Variants in SLC16A2 observed in about 807,000 individuals in gnomAD.
SLC16A2 encodes the protein monocarboxylate transporter 8.
Under a neutral mutation model 27.2 loss-of-function variants are expected in SLC16A2, and 3 were observed. The ratio of observed to expected loss-of-function variants is 0.11; its 90% confidence interval spans 0.05 to 0.28. The LOEUF (loss-of-function observed/expected upper bound fraction) is 0.28, where lower values mean the gene tolerates loss of function less well. SLC16A2 is among the 10% of genes least tolerant of loss of function. The pLI is 1.00. For missense variants in SLC16A2, 295 were observed against 458.5 expected (o/e 0.64, Z 3.26); for synonymous variants, 202 against 187.8 (o/e 1.08, Z -0.62).
chrX:74,462,462 G>A (rs1176508828), intron 1 of SLC16A2, among the ~76,000 whole-genome samples: 1 of 111,730 alleles, frequency 9.0e-6, no homozygotes, highest in Non-Finnish European at 1.9e-5. Context: ...TGGGATTACA[G>A]GCACCTGCCA....
intron 1 of SLC16A2, among the ~76,000 whole-genome samples, chrX:74,519,280 C>T (rs911247568): frequency 4.6e-5 from 5 of 108,187 alleles, no homozygotes; most frequent in Non-Finnish European, 9.6e-5. Flanking sequence ...TGGGTTCAAG[C>T]GATTCTCCTG....
At chrX:74,472,739 G>T (rs1929381036) in intron 1 of SLC16A2, among the ~76,000 whole-genome samples, 2 of 64,301 alleles carry the variant, frequency 3.1e-5, no homozygotes, top group Admixed American at 1.6e-4. Flanking sequence ...AACAGCATGG[G>T]TGCAAAAAAA....
chrX:74,494,490 T>C (rs1199342227), intron 1 of SLC16A2, among the ~76,000 whole-genome samples: 1 of 111,816 alleles, frequency 8.9e-6, no homozygotes, highest in Non-Finnish European at 1.9e-5. Context: ...TTCCATAATA[T>C]CGTCAAATAC....
intron 1 of SLC16A2, among the ~76,000 whole-genome samples, chrX:74,486,116 T>C (rs186670308): frequency 8.9e-6 from 1 of 111,751 alleles, no homozygotes; most frequent in Admixed American, 9.5e-5. Context: ...ACTATTTCTT[T>C]ACCTCCTGCT....
chrX:74,505,158 AAAG>A (rs1198720306), intron 1 of SLC16A2, among the ~76,000 whole-genome samples: 2 of 111,847 alleles, frequency 1.8e-5, no homozygotes, highest in East Asian at 5.6e-4. Context: ...AAAAAATTCT[AAAG>A]GAGGAAAATT....
intron 1 of SLC16A2, among the ~76,000 whole-genome samples, chrX:74,514,368 C>T (rs1056304976): frequency 9.0e-6 from 1 of 110,804 alleles, no homozygotes; most frequent in African/African-American, 3.3e-5. Flanking sequence ...AGCCTAACAC[C>T]ATGGGAAAAA....
At chrX:74,498,521 T>TG (rs759434677) in intron 1 of SLC16A2, among the ~76,000 whole-genome samples, 80 of 111,176 alleles carry the variant, frequency 7.2e-4, no homozygotes, top group Non-Finnish European at 3.4e-4. Context: ...AAACTATCCT[T>TG]GAAAAACTCT....
intron 1 of SLC16A2, among the ~76,000 whole-genome samples, chrX:74,500,318 G>A (rs1930009475): frequency 9.0e-6 from 1 of 111,524 alleles, no homozygotes; most frequent in Non-Finnish European, 1.9e-5. Context: ...CCAGGAACCA[G>A]AAAGCTGGAA....
intron 1 of SLC16A2, among the ~76,000 whole-genome samples, chrX:74,493,822 G>A (rs1929883022): frequency 9.0e-6 from 1 of 111,488 alleles, no homozygotes; most frequent in Admixed American, 9.5e-5. Context: ...AGCTCTGAAA[G>A]TAGGGCTGTC....
chrX:74,430,754 G>T (rs1469394775), intron 1 of SLC16A2, among the ~76,000 whole-genome samples: 1 of 112,256 alleles, frequency 8.9e-6, no homozygotes, highest in Admixed American at 9.4e-5. Context: ...TGTTGTTGTT[G>T]TTGTTTTGAG....
chrX:74,474,489 T>A (rs987522061), intron 1 of SLC16A2, among the ~76,000 whole-genome samples: 12 of 110,119 alleles, frequency 1.1e-4, no homozygotes, highest in African/African-American at 3.6e-4. Context: ...TTTTTTTTTT[T>A]TTATTATACT....
intron 1 of SLC16A2, among the ~76,000 whole-genome samples, chrX:74,434,893 G>A (rs1367882221): frequency 9.7e-6 from 1 of 102,933 alleles, no homozygotes; most frequent in Non-Finnish European, 2.0e-5. Context: ...TCGGCTTCTC[G>A]GCTCACTGCA....
chrX:74,514,475 C>G (rs995236842), intron 1 of SLC16A2, among the ~76,000 whole-genome samples: 2 of 111,436 alleles, frequency 1.8e-5, no homozygotes, highest in Non-Finnish European at 3.8e-5. Context: ...CTCCCCGCCT[C>G]CCATGCTGAG....
In SLC16A2 at chrX:74,424,266, G is replaced by T. The variant is rs780438599; in HGVS notation, c.430+2199G>T. Among the ~76,000 whole-genome samples the T allele has an allele frequency of 1.5e-3, 167 of 111,426 alleles. 1 individual carries two copies. The highest frequency in any genetic ancestry group is 5.6e-3 in the Admixed American group (59 of 10,519). On this transcript the variant is annotated intron_variant, in intron 1 of 5. Transcript: ENST00000587091. ...GTCCCTAGGGTCTCAGAATACTTTG[G>T]CTTGGGTCCTTGCTGTGGTGTATCT...
At chrX:74,467,190 G>C (rs1388633217) in intron 1 of SLC16A2, among the ~76,000 whole-genome samples, 1 of 111,912 alleles carries the variant, frequency 8.9e-6, no homozygotes, top group Non-Finnish European at 1.9e-5. Flanking sequence ...AGCTAAGCTG[G>C]AAAGTGGTAA....
At chrX:74,455,709 T>G (rs1170777661) in intron 1 of SLC16A2, among the ~76,000 whole-genome samples, 3 of 111,383 alleles carry the variant, frequency 2.7e-5, no homozygotes, top group Non-Finnish European at 5.7e-5. Flanking sequence ...CATCTGGGCA[T>G]GGCAGCCATG....
At chrX:74,490,008 C>CACACACAT (rs1555986162) in intron 1 of SLC16A2, among the ~76,000 whole-genome samples, 4 of 107,828 alleles carry the variant, frequency 3.7e-5, no homozygotes, top group South Asian at 4.1e-4. Context: ...CACACACACA[C>CACACACAT]GCAAAGATCC....
intron 1 of SLC16A2, among the ~76,000 whole-genome samples, chrX:74,487,900 A>C (rs1414118219): frequency 8.9e-6 from 1 of 112,048 alleles, no homozygotes; most frequent in Non-Finnish European, 1.9e-5. Flanking sequence ...TTTTAAGAAA[A>C]ATCAACATCC....
intron 1 of SLC16A2, among the ~76,000 whole-genome samples, chrX:74,503,986 G>A (rs1412722624): frequency 8.9e-6 from 1 of 112,124 alleles, no homozygotes; most frequent in Non-Finnish European, 1.9e-5. Flanking sequence ...ATTTGACACG[G>A]TGTCTGTCAC....
Sources: allele counts gnomAD v4.1 joint callset (sites outside exome capture counted in the v4.1 genomes callset), GRCh38; gene constraint gnomAD v4.1.1; transcripts MANE v1.5; gene names NCBI Gene and HGNC (gene_info 2026-07-23, HGNC 2026-07-21).